Variants in SKP1 observed in about 807,000 individuals in gnomAD.
SKP1 encodes the protein S-phase kinase associated protein 1, also known as S-phase kinase-associated protein 1.
SKP1 carries 1 observed loss-of-function variant against 21.5 expected under a neutral mutation model. The ratio of observed to expected loss-of-function variants is 0.05; its 90% CI spans 0.02 to 0.22. SKP1 has a LOEUF of 0.22. SKP1 is among the 10% of genes least tolerant of loss of function. The pLI is 1.00. For synonymous variants in SKP1, 59 were observed against 59.3 expected (o/e 0.99, Z 0.03); for missense variants, 70 against 192.0 (o/e 0.36, Z 3.76).
In SKP1 at chr5:134,151,683, G is replaced by GTC; in HGVS notation, c.*6049_*6050insGA. The GTC allele has an allele frequency of 2.2e-6, 1 of 456,184 alleles. No individual in the cohort carries two copies. Among genetic ancestry groups the GTC allele is most frequent in the Non-Finnish European group, 4.4e-6 (1 of 226,910 alleles). The allele number at this position is 456,184 out of a possible 1,614,324, so 28.3% of individuals were successfully genotyped here. The stretch of plus-strand genomic sequence containing the variant: ...AATTTAAAGTTGACAGATATCAGAA[G>GTC]GTCGCAAGAACTACAGATGTGGAAG... On this transcript the variant is annotated 3_prime_UTR_variant, in exon 6 of 6. Transcript: ENST00000353411.
intron 2 of SKP1, chr5:134,171,158 C>G (rs1441601476): frequency 2.7e-6 from 1 of 376,126 alleles, no homozygotes; most frequent in Non-Finnish European, 5.2e-6. Context: ...AAGCTTTTAT[C>G]AGAAAACAGA....
chr5:134,154,086 T>C lies in SKP1; in HGVS notation c.*3647A>G, dbSNP rs1761084067. The C allele has an allele frequency of 6.6e-6, 1 of 152,218 alleles. No homozygotes were observed. The highest frequency in any genetic ancestry group is 6.5e-5 in the Admixed American group (1 of 15,286). The allele number at this position is 152,218 out of a possible 1,614,324, so 9.4% of individuals were successfully genotyped here. On this transcript the variant is annotated 3_prime_UTR_variant, in exon 6 of 6. Coordinates refer to ENST00000353411, the MANE Select transcript of SKP1 (RefSeq NM_170679.3). ...GAACTGTAAAGCAGTATCTATTTTG[T>C]ATACCAAGAATAGATTAAGGCAAGC...
chr5:134,152,690 T>G lies in SKP1; in HGVS notation c.*5043A>C, dbSNP rs1761061658. ...CCGAGTTGCTGGGACTACAGGCATG[T>G]GCCACCACGCCCAGCTAATTTTTGT... On this transcript the variant is annotated 3_prime_UTR_variant, in exon 6 of 6. Coordinates refer to ENST00000353411, the MANE Select transcript of SKP1 (RefSeq NM_170679.3). 6.6e-6 allele frequency: 1 copy of G among 152,272 alleles called. No homozygotes were observed. The highest frequency in any genetic ancestry group is 1.5e-5 in the Non-Finnish European group (1 of 68,100). 9.4% of individuals were successfully genotyped at this position (152,272 alleles called of 1,614,324 possible). A position where few individuals can be genotyped will look rare whatever the true frequency, so the allele number is the denominator to read the frequency against.
Position 134,158,599 on chromosome 5 carries a change from T to C in SKP1, c.316-4A>G, listed in dbSNP as rs376670107. On this transcript the variant is annotated splice_region_variant and splice_polypyrimidine_tract_variant and intron_variant, in intron 4 of 5. Coordinates refer to ENST00000353411, the MANE Select transcript of SKP1 (RefSeq NM_170679.3). Reference sequence around the variant, plus strand: ...TGATGTCTAAGTAGTTTGCAGCCTGTAAAGAGACAGTTGTTTTCCTTAAAG... The same window carrying C: ...TGATGTCTAAGTAGTTTGCAGCCTGCAAAGAGACAGTTGTTTTCCTTAAAG... The C allele has an allele frequency of 1.2e-5, 20 of 1,612,318 alleles. No homozygotes were observed. Among genetic ancestry groups the C allele is most frequent in the Non-Finnish European group, 1.5e-5 (18 of 1,179,140 alleles).
At position 134,149,861 on chromosome 5, in the gene SKP1, TA is replaced by T. The variant is rs1761018501; in HGVS notation, c.*7871del. 1 of 149,030 alleles carries T rather than the reference TA, an allele frequency of 6.7e-6. No homozygotes were observed. 9.2% of individuals were successfully genotyped at this position (149,030 alleles called of 1,614,324 possible). ...AAATCAGATCAGCTTTTTTTTTTTT[TA>T]ATCTGACTTCATAAAGGAAACTCAG... is the stretch of plus-strand genomic sequence containing the variant. On this transcript the variant is annotated 3_prime_UTR_variant, in exon 6 of 6. Transcript: ENST00000353411.
intron 3 of SKP1, among the ~76,000 whole-genome samples, chr5:134,165,585 C>CA (rs10707716): frequency 1.0e-3 from 100 of 97,640 alleles, no homozygotes; most frequent in African/African-American, 3.5e-3. Context: ...GTGTCTGTCT[C>CA]AAAAAAAAAA....
chr5:134,151,516 T>G lies in SKP1; in HGVS notation c.*6217A>C. ...AGGACAAATAAGAATTTTCACCAGATAGGTGGGAGGTATTCAAAGTGAGAG... is the reference window on the plus strand; with the variant it reads ...AGGACAAATAAGAATTTTCACCAGAGAGGTGGGAGGTATTCAAAGTGAGAG... On this transcript the variant is annotated 3_prime_UTR_variant, in exon 6 of 6. Coordinates refer to ENST00000353411, the MANE Select transcript of SKP1 (RefSeq NM_170679.3). 1 of 317,074 alleles carries G rather than the reference T, an allele frequency of 3.2e-6. No homozygotes were observed. Among genetic ancestry groups the G allele is most frequent in the Non-Finnish European group, 6.4e-6 (1 of 155,232 alleles). The allele number at this position is 317,074 out of a possible 1,614,324, so 19.6% of individuals were successfully genotyped here. A position where few individuals can be genotyped will look rare whatever the true frequency, so the allele number is the denominator to read the frequency against.
chr5:134,169,508 A>G (rs983948661), intron 2 of SKP1, among the ~76,000 whole-genome samples: 12 of 152,242 alleles, frequency 7.9e-5, no homozygotes, highest in Non-Finnish European at 1.8e-4. Context: ...TAGAGGAAAC[A>G]TACAGAAGAC....
At chr5:134,166,076 C>T (rs904124352) in intron 3 of SKP1, among the ~76,000 whole-genome samples, 3 of 147,968 alleles carry the variant, frequency 2.0e-5, no homozygotes, top group South Asian at 2.2e-4. Context: ...CCTAGCTATT[C>T]GGGAGGCTGA....
chr5:134,167,851 G>A (rs1472854706), intron 2 of SKP1, among the ~76,000 whole-genome samples: 1 of 152,184 alleles, frequency 6.6e-6, no homozygotes, highest in Admixed American at 6.5e-5. Context: ...AGTATACACA[G>A]TGATGTGCAT....
rs1761104244 is a variant in SKP1, at chr5:134,155,268, A to G, written c.*2465T>C. On this transcript the variant is annotated 3_prime_UTR_variant, in exon 6 of 6. Coordinates refer to ENST00000353411, the MANE Select transcript of SKP1 (RefSeq NM_170679.3). ...AAGACTGAGGTTTGGCTACTGTGAT[A>G]ATGAGAAAGGACCACTCACTCCAGG... The G allele has an allele frequency of 6.6e-6, 1 of 152,232 alleles. No homozygotes were observed. Among genetic ancestry groups the G allele is most frequent in the Non-Finnish European group, 1.5e-5 (1 of 68,042 alleles). 9.4% of individuals were successfully genotyped at this position (152,232 alleles called of 1,614,324 possible).
At chr5:134,175,656 T>C (rs1371378531) in intron 1 of SKP1, 1 of 152,226 alleles carries the variant, frequency 6.6e-6, no homozygotes, top group Admixed American at 6.5e-5. Context: ...TAGTCAAGTT[T>C]GTGGATTGGG....
rs765452706 is a variant in SKP1, at chr5:134,173,983, A to G, written c.40T>C (p.Phe14Leu). Residue 14 changes from phenylalanine to leucine, a missense_variant, in exon 2 of 6, where the codon TTT becomes CTT. Phe to Leu is a conservative substitution (Grantham distance 22, BLOSUM62 0). Around this residue, in one of 4 missense-constraint regions of SKP1, gnomAD observed 21 missense variants for 23.4 expected, o/e 0.90. Transcript: ENST00000353411. Reference protein sequence around the residue: ...IKLQSSDGEIFEVDVEIAKQS... With the variant: ...IKLQSSDGEILEVDVEIAKQS... ...TTGGCAATTTCCACATCAACTTCAA[A>G]TATCTCTCCATCAGAACTCTGCAAC... 6.2e-7 allele frequency: 1 copy of G among 1,610,696 alleles called. No individual in the cohort carries two copies. The highest frequency in any genetic ancestry group is 8.5e-7 in the Non-Finnish European group (1 of 1,176,978).
chr5:134,174,140 A>G (rs1761495020), intron 1 of SKP1, 118 bp from the exon 2 acceptor site: 4 of 673,180 alleles, frequency 5.9e-6, no homozygotes, highest in African/African-American at 3.6e-5. Context: ...AAGAACCTAC[A>G]ATACATAACC....
chr5:134,164,322 GAAAA>G (rs55637997), intron 3 of SKP1, among the ~76,000 whole-genome samples: 6 of 122,124 alleles, frequency 4.9e-5, no homozygotes, highest in African/African-American at 1.9e-4. Context: ...TCCATCTCAA[GAAAA>G]AAAAAAAAAA....
At chr5:134,175,463 A>G (rs1761522568) in intron 1 of SKP1, 1 of 152,244 alleles carries the variant, frequency 6.6e-6, no homozygotes, top group South Asian at 2.1e-4. Context: ...CCAAAAGAAA[A>G]TATTTTAACC....
chr5:134,159,610 C>T lies in SKP1; in HGVS notation c.316-1015G>A, dbSNP rs183966172. On this transcript the variant is annotated intron_variant, in intron 4 of 5. Coordinates refer to ENST00000353411, the MANE Select transcript of SKP1 (RefSeq NM_170679.3). The stretch of plus-strand genomic sequence containing the variant: ...TCACCCAGGCTGGAGGGCAGTGGTG[C>T]GATATCGGCTCACTGCAAGCTCCAC... Among the ~76,000 whole-genome samples, 532 of 150,656 alleles carry T rather than the reference C, an allele frequency of 3.5e-3. 4 individuals are homozygous for T. Among genetic ancestry groups the T allele is most frequent in the African/African-American group, 0.012 (500 of 40,922 alleles).
rs1361891573 is a variant in SKP1, at chr5:134,154,638, T to G, written c.*3095A>C. The G allele has an allele frequency of 6.6e-6, 1 of 152,034 alleles. No individual in the cohort carries two copies. Among genetic ancestry groups the G allele is most frequent in the African/African-American group, 2.4e-5 (1 of 41,392 alleles). The allele number at this position is 152,034 out of a possible 1,614,324, so 9.4% of individuals were successfully genotyped here. On this transcript the variant is annotated 3_prime_UTR_variant, in exon 6 of 6. Coordinates refer to ENST00000353411, the MANE Select transcript of SKP1 (RefSeq NM_170679.3). ...CCATGGAGTCCTTGAAAGGACTTCA[T>G]CATTAAAAGCAGCACACTGCAGAAA...
At chr5:134,169,582 T>C (rs1761400018) in intron 2 of SKP1, among the ~76,000 whole-genome samples, 1 of 152,212 alleles carries the variant, frequency 6.6e-6, no homozygotes. Context: ...ATTAGGCTTT[T>C]GGCCGGGTGC....
Sources: gnomAD v4.1 joint callset for allele counts (sites outside exome capture counted in the v4.1 genomes callset) on GRCh38, gnomAD v4.1.1 for gene constraint, gnomAD v4.1.1 regional missense constraint, MANE v1.5 for transcripts, NCBI Gene and HGNC (gene_info 2026-07-23, HGNC 2026-07-21) for gene names.